The following GALNT15 variants were observed in gnomAD, a reference collection of about 807,000 sequenced individuals.
GALNT15 encodes the protein UDP-GalNAc transferase T15.
A neutral mutation model predicts 66.8 loss-of-function variants in GALNT15; 67 were observed. That is an observed-to-expected ratio of 1.00 (90% confidence interval 0.82 to 1.23). The LOEUF is 1.23. GALNT15 is among the 50% of genes most tolerant of loss of function. GALNT15 has a pLI of 0.00. For missense variants in GALNT15, 827 were observed against 804.3 expected, an observed-to-expected ratio of 1.03 and a Z score of -0.34; for synonymous variants, 313 against 311.5, an observed-to-expected ratio of 1.00 and a Z score of -0.05.
rs2124909547 is a variant in GALNT15 at position 16,227,676 on chromosome 3, A to AT, written c.*178dup. On this transcript the variant is annotated 3_prime_UTR_variant, in exon 10 of 10. Coordinates refer to ENST00000339732, the MANE Select transcript of GALNT15 (RefSeq NM_054110.5). The surrounding 1 kb of genome is among the most constrained non-coding windows in gnomAD (Gnocchi z 4.5). ...GTTTCTCCTTTTCACACCTTATTTC[A>AT]TTGACTGCTGGCTGCTTTAAAAAAA... 1.1e-5 allele frequency: 16 copies of AT among 1,409,114 alleles called. 1 individual carries two copies. The South Asian group carries it at 2.5e-4, about 22-fold the overall frequency. The allele number at this position is 1,409,114 out of a possible 1,614,324, so 87.3% of individuals were successfully genotyped here.
At chr3:16,223,900 G>T (rs1340095706) in intron 9 of GALNT15, among the ~76,000 whole-genome samples, 1 of 151,784 alleles carries the variant, frequency 6.6e-6, no homozygotes, top group Non-Finnish European at 1.5e-5. Flanking sequence ...TGCCATGTTG[G>T]CCAAGTTGGT....
In GALNT15 at chr3:16,204,050, T is replaced by C. The variant is rs1275753593; in HGVS notation, c.911+3227T>C. ...ACAGAAAAGGGTCTTTAAGAGCTCTTATAAAAAAAAAAAAGTGGGGTGGGA... is the reference window on the plus strand; with the variant it reads ...ACAGAAAAGGGTCTTTAAGAGCTCTCATAAAAAAAAAAAAGTGGGGTGGGA... On this transcript the variant is annotated intron_variant, in intron 3 of 9. Transcript: ENST00000339732. The surrounding 1 kb of genome is among the most constrained non-coding windows in gnomAD (Gnocchi z 4.5). Among the ~76,000 whole-genome samples, 2 of 150,788 alleles carry C rather than the reference T, an allele frequency of 1.3e-5. No homozygotes were observed. The highest frequency in any genetic ancestry group is 1.5e-5 in the Non-Finnish European group (1 of 67,776).
In GALNT15 at chr3:16,183,024, C is replaced by T. The variant is rs1295986119; in HGVS notation, c.539+7334C>T. The T allele has an allele frequency of 6.6e-6, 1 of 152,240 alleles. No homozygotes were observed. Among genetic ancestry groups the T allele is most frequent in the Non-Finnish European group, 1.5e-5 (1 of 68,084 alleles). 9.4% of individuals were successfully genotyped at this position (152,240 alleles called of 1,614,324 possible). ...CTGTCCCTGTTAGGTGGAACTATGG[C>T]TCCAAGATGCTTCATAGGCCTCCGG... On this transcript the variant is annotated intron_variant, in intron 1 of 9. Transcript: ENST00000339732. This position sits in a 1 kb window ranked among gnomAD's most constrained non-coding sequence, Gnocchi z 5.2.
chr3:16,219,434 A>C lies in GALNT15; in HGVS notation c.1424A>C (p.Gln475Pro). 1 of 1,614,192 alleles carries C rather than the reference A, an allele frequency of 6.2e-7. No homozygotes were observed. Among genetic ancestry groups the C allele is most frequent in the Non-Finnish European group, 8.5e-7 (1 of 1,180,026 alleles). The change falls in exon 7 of 10, where the codon CAG (glutamine) becomes CCG (proline). Residue 475 changes from glutamine to proline, a missense_variant. Physicochemically the swap from Gln to Pro is moderately conservative, Grantham distance 76. Coordinates refer to ENST00000339732, the MANE Select transcript of GALNT15 (RefSeq NM_054110.5). This position sits in a 1 kb window ranked among gnomAD's most constrained non-coding sequence, Gnocchi z 4.3. ...AAGCCAGACTGCATGGAACGCTTGC[A>C]GCTGCAAAGGAGACTGGGTTGTCGG... The part of the protein sequence containing the change: ...AEKPDCMERL[Q>P]LQRRLGCRTF...
the GALNT15 span, among the ~76,000 whole-genome samples, chr3:16,237,305 T>C: frequency 6.6e-6 from 1 of 152,194 alleles, no homozygotes; most frequent in Non-Finnish European, 1.5e-5. This position sits in a 1 kb window ranked among gnomAD's most constrained non-coding sequence, Gnocchi z 4.2. Flanking sequence ...TCATAAAACC[T>C]GTTTAACAGC....
chr3:16,212,537 G>C (rs781677334), intron 5 of GALNT15, 32 bp from the exon 6 acceptor site: 6 of 1,595,948 alleles, frequency 3.8e-6, no homozygotes. Flanking sequence ...AAGGTGGAAT[G>C]CTGAGGTGTT....
At chr3:16,218,806 CTCTCT>C (rs1289419543) in intron 6 of GALNT15, among the ~76,000 whole-genome samples, 37 of 136,452 alleles carry the variant, frequency 2.7e-4, no homozygotes, top group African/African-American at 4.6e-4. Flanking sequence ...CTCTCTCTCT[CTCTCT>C]TTTTTTTTTT....
At chr3:16,246,547 C>T in the GALNT15 span, among the ~76,000 whole-genome samples, 1 of 152,062 alleles carries the variant, frequency 6.6e-6, no homozygotes, top group African/African-American at 2.4e-5. Context: ...TGGTCTCGAT[C>T]TCTTGACCTC....
At chr3:16,242,548 A>G in the GALNT15 span, among the ~76,000 whole-genome samples, 4 of 152,104 alleles carry the variant, frequency 2.6e-5, no homozygotes, top group African/African-American at 7.2e-5. This position sits in a 1 kb window ranked among gnomAD's most constrained non-coding sequence, Gnocchi z 5.6. Context: ...TCTTGCGCCC[A>G]GGAATTCGAG....
chr3:16,195,253 G>A lies in GALNT15; in HGVS notation c.540-507G>A, dbSNP rs562108980. On this transcript the variant is annotated intron_variant, in intron 1 of 9. Transcript: ENST00000339732. The surrounding 1 kb of genome is among the most constrained non-coding windows in gnomAD (Gnocchi z 4.6). ...GGCCTCAGGCCCAAGCCAAAGACTA[G>A]AGCAGAGGTTCTCAAAGTGTGGTCC... 6.6e-6 allele frequency among the ~76,000 whole-genome samples: 1 copy of A among 152,160 alleles called. No individual in the cohort carries two copies. The highest frequency in any genetic ancestry group is 2.4e-5 in the African/African-American group (1 of 41,430).
intron 1 of GALNT15, among the ~76,000 whole-genome samples, chr3:16,194,860 A>T (rs1348457520): frequency 6.6e-6 from 1 of 152,194 alleles, no homozygotes; most frequent in Non-Finnish European, 1.5e-5. Flanking sequence ...GCATCAGGAT[A>T]AATAACTAAT....
At chr3:16,216,356 G>A (rs1164504602) in intron 6 of GALNT15, among the ~76,000 whole-genome samples, 1 of 152,110 alleles carries the variant, frequency 6.6e-6, no homozygotes, top group Non-Finnish European at 1.5e-5. Context: ...AAAATTAGCT[G>A]GGCGTGGTGG....
Position 16,211,227 on chromosome 3 carries a change from G to T in GALNT15, c.1183G>T (p.Glu395Ter). 6.2e-7 allele frequency: 1 copy of T among 1,610,784 alleles called. No homozygotes were observed. Among genetic ancestry groups the T allele is most frequent in the South Asian group, 1.1e-5 (1 of 90,960 alleles). Reference protein sequence around the residue: ...LMSLRGGENLELSFKAWLCGG... With the variant: ...LMSLRGGENL ...GTCGCTGCGAGGTGGTGAAAACCTC[G>T]AACTGTCTTTCAAGGTATGTCCTGG... Residue 395 changes from glutamate to a stop codon, truncating the protein, a stop_gained, in exon 5 of 10, where the codon GAA (glutamate) becomes TAA (stop). Transcript: ENST00000339732. LOFTEE classifies it high-confidence loss of function. This position sits in a 1 kb window ranked among gnomAD's most constrained non-coding sequence, Gnocchi z 4.3.
At chr3:16,185,069 A>C (rs1410607950) in intron 1 of GALNT15, among the ~76,000 whole-genome samples, 1 of 152,208 alleles carries the variant, frequency 6.6e-6, no homozygotes, top group African/African-American at 2.4e-5. Flanking sequence ...GGGCAGGGGC[A>C]CCACAGATTG....
At chr3:16,247,949 C>T in the GALNT15 span, among the ~76,000 whole-genome samples, 1 of 152,214 alleles carries the variant, frequency 6.6e-6, no homozygotes, top group African/African-American at 2.4e-5. Flanking sequence ...AGGCTTCCAG[C>T]TCATCTGTGA....
rs2063676235 is a variant in GALNT15 at position 16,199,489 on chromosome 3, C to CTT, written c.707-1127_707-1126dup. On this transcript the variant is annotated intron_variant, in intron 2 of 9. Coordinates refer to ENST00000339732, the MANE Select transcript of GALNT15 (RefSeq NM_054110.5). Reference sequence around the variant, plus strand: ...TACCAGCTGCCAAATTTAATGGAGCCTTTTGCCTTTGACTTCCTTGACCAC... The same window carrying CTT: ...TACCAGCTGCCAAATTTAATGGAGCCTTTTTTGCCTTTGACTTCCTTGACCAC... 1.4e-5 allele frequency among the ~76,000 whole-genome samples: 2 copies of CTT among 142,262 alleles called. 1 individual carries two copies. Among genetic ancestry groups the CTT allele is most frequent in the South Asian group, 4.4e-4 (2 of 4,518 alleles). The allele number at this position is 142,262 out of a possible 152,430, so 93.3% of individuals were successfully genotyped here.
In GALNT15 at chr3:16,228,153, A is replaced by T. The variant is rs1243900637; in HGVS notation, c.*653A>T. The stretch of plus-strand genomic sequence containing the variant: ...TCTAGGAAAAGACATTTTCATGTTA[A>T]TGAGAATTTCCACCATTGTAGAGAA... On this transcript the variant is annotated 3_prime_UTR_variant, in exon 10 of 10. Coordinates refer to ENST00000339732, the MANE Select transcript of GALNT15 (RefSeq NM_054110.5). 2 of 985,876 alleles carry T rather than the reference A, an allele frequency of 2.0e-6. No individual in the cohort carries two copies. Among genetic ancestry groups the T allele is most frequent in the Non-Finnish European group, 2.4e-6 (2 of 830,052 alleles). 61.1% of individuals were successfully genotyped at this position (985,876 alleles called of 1,614,324 possible).
intron 1 of GALNT15, among the ~76,000 whole-genome samples, chr3:16,178,847 G>C (rs1236198682): frequency 1.3e-5 from 2 of 152,174 alleles, no homozygotes; most frequent in African/African-American, 2.4e-5. Context: ...CTGTGCCTCG[G>C]GCTGTAGCGC....
chr3:16,229,585 A>C lies in GALNT15; in HGVS notation c.*2085A>C. 3 of 985,438 alleles carry C rather than the reference A, an allele frequency of 3.0e-6. No individual in the cohort carries two copies. The highest frequency in any genetic ancestry group is 3.6e-6 in the Non-Finnish European group (3 of 829,916). The allele number at this position is 985,438 out of a possible 1,614,324, so 61.0% of individuals were successfully genotyped here. On this transcript the variant is annotated 3_prime_UTR_variant, in exon 10 of 10. Coordinates refer to ENST00000339732, the MANE Select transcript of GALNT15 (RefSeq NM_054110.5). ...TAAATCCTGAGACTGAGACGGAGCT[A>C]CAAATTCTCAGATGGCGACCGTGTA...
Sources: allele counts gnomAD v4.1 joint callset (sites outside exome capture counted in the v4.1 genomes callset), GRCh38; gene constraint gnomAD v4.1.1; non-coding constraint Gnocchi (gnomAD v3.1); transcripts MANE v1.5; gene names NCBI Gene and HGNC (gene_info 2026-07-23, HGNC 2026-07-21).